NRCAM: variants seen among roughly 807,000 people sequenced by gnomAD.
NRCAM encodes the protein neuronal cell adhesion molecule, also known as NgCAM-related cell adhesion molecule.
NRCAM carries 83 observed loss-of-function variants against 156.5 expected under a neutral mutation model. The ratio of observed to expected loss-of-function variants is 0.53; its 90% CI spans 0.44 to 0.64. The LOEUF (loss-of-function observed/expected upper bound fraction) is 0.64. Ranked by LOEUF, NRCAM falls within the 30% of genes least tolerant of loss-of-function variation. The probability of loss-of-function intolerance (pLI) is 0.00; values close to 1 mark genes in which losing one functional copy is unlikely to be tolerated. For missense variants in NRCAM, 1,417 were observed against 1,597.3 expected (o/e 0.89, Z 1.92); for synonymous variants, 538 against 563.9 (o/e 0.95, Z 0.65).
Position 108,218,831 on chromosome 7 carries a change from C to T in NRCAM, c.890+4894G>A, listed in dbSNP as rs955303428. Among the ~76,000 whole-genome samples, 28 of 152,128 alleles carry T rather than the reference C, an allele frequency of 1.8e-4. 1 individual carries two copies. The highest frequency in any genetic ancestry group is 1.8e-3 in the Admixed American group (27 of 15,278). On this transcript the variant is annotated intron_variant, in intron 11 of 32. Coordinates refer to ENST00000379028, the MANE Select transcript of NRCAM (RefSeq NM_001037132.4). ...GAAACAAGAACAAACCAAACCCAAA[C>T]CCAGCAGAAGAAAGGAGATAAGATC...
intron 1 of NRCAM, among the ~76,000 whole-genome samples, chr7:108,402,283 TTTC>T (rs2099794924): frequency 6.6e-6 from 1 of 152,248 alleles, no homozygotes; most frequent in Non-Finnish European, 1.5e-5. Flanking sequence ...GGGTAAATTA[TTTC>T]TTTTATTTGT....
intron 32 of NRCAM, among the ~76,000 whole-genome samples, chr7:108,155,857 T>A (rs944035970): frequency 6.6e-6 from 1 of 152,058 alleles, no homozygotes; most frequent in Non-Finnish European, 1.5e-5. Context: ...AGACAAATCA[T>A]TGGAATATAT....
chr7:108,317,942 G>GA (rs2098949414), intron 2 of NRCAM, among the ~76,000 whole-genome samples: 1 of 148,430 alleles, frequency 6.7e-6, no homozygotes, highest in East Asian at 2.0e-4. Flanking sequence ...GAAAGGAAAG[G>GA]AAAGGAAAAG....
chr7:108,453,321 T>C (rs1852641917), intron 1 of NRCAM, among the ~76,000 whole-genome samples: 1 of 152,204 alleles, frequency 6.6e-6, no homozygotes, highest in African/African-American at 2.4e-5. Flanking sequence ...TTGAAATGAT[T>C]CTTGAAATTT....
chr7:108,253,344 T>C lies in NRCAM; in HGVS notation c.-106-13174A>G, dbSNP rs185013760. 1.6e-3 allele frequency among the ~76,000 whole-genome samples: 236 copies of C among 152,214 alleles called. 1 individual carries two copies. Among genetic ancestry groups the C allele is most frequent in the African/African-American group, 4.9e-3 (203 of 41,508 alleles). Reference sequence around the variant, plus strand: ...GGAGCAGAAAGTAAGATGTATCCAATTGTGTTCAAGAGGGAAGAGGAAAGA... The same window carrying C: ...GGAGCAGAAAGTAAGATGTATCCAACTGTGTTCAAGAGGGAAGAGGAAAGA... On this transcript the variant is annotated intron_variant, in intron 3 of 32. Coordinates refer to ENST00000379028, the MANE Select transcript of NRCAM (RefSeq NM_001037132.4).
chr7:108,225,744 G>A (rs1329808749), intron 9 of NRCAM, 43 bp from the exon 10 acceptor site: 1 of 1,238,344 alleles, frequency 8.1e-7, no homozygotes, highest in East Asian at 2.3e-5. Flanking sequence ...AAAAGTGGGG[G>A]AGAAGGGTCA....
chr7:108,432,446 G>A (rs920616734), intron 1 of NRCAM, among the ~76,000 whole-genome samples: 1 of 152,198 alleles, frequency 6.6e-6, no homozygotes, highest in Non-Finnish European at 1.5e-5. Flanking sequence ...CCAACCCTAA[G>A]TGGCTAGCTG....
intron 10 of NRCAM, among the ~76,000 whole-genome samples, chr7:108,224,570 T>C (rs955952033): frequency 6.6e-5 from 10 of 152,272 alleles, no homozygotes; most frequent in South Asian, 4.1e-4. Flanking sequence ...TGAAGGTTTC[T>C]TAGAAAAACT....
intron 3 of NRCAM, among the ~76,000 whole-genome samples, chr7:108,241,230 A>T (rs946155339): frequency 6.6e-6 from 1 of 152,198 alleles, no homozygotes; most frequent in Admixed American, 6.5e-5. Context: ...CTACTCCTCC[A>T]GGAAAGGACT....
Position 108,351,009 on chromosome 7 carries a change from T to C in NRCAM, c.-173-38278A>G, listed in dbSNP as rs556018803. 1.6e-4 allele frequency among the ~76,000 whole-genome samples: 25 copies of C among 152,328 alleles called. No individual in the cohort carries two copies. In the South Asian group the frequency reaches 5.2e-3, roughly 32 times the overall value. ...GCACAGAATAGTTGCTTTATAAAAATATTTGATTGAATGTGGAATTGAGGG... is the reference window on the plus strand; with the variant it reads ...GCACAGAATAGTTGCTTTATAAAAACATTTGATTGAATGTGGAATTGAGGG... On this transcript the variant is annotated intron_variant, in intron 2 of 32. Coordinates refer to ENST00000379028, the MANE Select transcript of NRCAM (RefSeq NM_001037132.4).
chr7:108,385,575 C>CTA (rs1563554031), intron 2 of NRCAM, among the ~76,000 whole-genome samples: 1 of 152,120 alleles, frequency 6.6e-6, no homozygotes, highest in Non-Finnish European at 1.5e-5. Flanking sequence ...GTGTCAAGGA[C>CTA]TATATTTAAT....
intron 2 of NRCAM, among the ~76,000 whole-genome samples, chr7:108,388,775 T>A (rs1453291098): frequency 6.6e-6 from 1 of 152,362 alleles, no homozygotes; most frequent in East Asian, 1.9e-4. Flanking sequence ...GCTTTCCACA[T>A]ACGGCTAGCC....
At chr7:108,290,809 G>T (rs1275387120) in intron 3 of NRCAM, among the ~76,000 whole-genome samples, 1 of 152,038 alleles carries the variant, frequency 6.6e-6, no homozygotes, top group Non-Finnish European at 1.5e-5. Flanking sequence ...ATTCTTTCAG[G>T]GTTCTGAAAA....
At chr7:108,439,202 C>G (rs1009448176) in intron 1 of NRCAM, among the ~76,000 whole-genome samples, 4 of 152,024 alleles carry the variant, frequency 2.6e-5, no homozygotes, top group African/African-American at 9.7e-5. Context: ...TTAGATACAA[C>G]ACCAAAAGCA....
chr7:108,359,543 G>A (rs1031089537), intron 2 of NRCAM, among the ~76,000 whole-genome samples: 1 of 152,150 alleles, frequency 6.6e-6, no homozygotes, highest in African/African-American at 2.4e-5. Context: ...ACACGTGTGA[G>A]AAAGAAAATC....
intron 11 of NRCAM, among the ~76,000 whole-genome samples, chr7:108,221,975 T>C (rs919451808): frequency 1.3e-5 from 2 of 149,768 alleles, no homozygotes; most frequent in African/African-American, 4.9e-5. Flanking sequence ...GTGGTATTAA[T>C]TGATTATAAT....
At chr7:108,348,856 T>TCGTGC (rs1355288272) in intron 2 of NRCAM, among the ~76,000 whole-genome samples, 1 of 146,354 alleles carries the variant, frequency 6.8e-6, no homozygotes, top group Non-Finnish European at 1.5e-5. Flanking sequence ...TGAGACGAGA[T>TCGTGC]CGTGCCACTG....
At chr7:108,221,348 G>T (rs2092198773) in intron 11 of NRCAM, among the ~76,000 whole-genome samples, 2 of 152,174 alleles carry the variant, frequency 1.3e-5, no homozygotes, top group African/African-American at 4.8e-5. Context: ...CCACCACTGG[G>T]TATCTACCCA....
At chr7:108,243,099 C>T (rs865956994) in intron 3 of NRCAM, 11 of 152,106 alleles carry the variant, frequency 7.2e-5, no homozygotes, top group African/African-American at 2.2e-4. Context: ...TCATGAACTA[C>T]GATAACTGAA....
Sources: gnomAD v4.1 joint callset for allele counts (sites outside exome capture counted in the v4.1 genomes callset) on GRCh38, gnomAD v4.1.1 for gene constraint, MANE v1.5 for transcripts, NCBI Gene and HGNC (gene_info 2026-07-23, HGNC 2026-07-21) for gene names.